Variants in TMEM132A observed in about 807,000 individuals in gnomAD.
TMEM132A encodes transmembrane protein 132A, also known as GRP78-binding protein.
TMEM132A carries 48 observed loss-of-function variants against 69.9 expected under a neutral mutation model. That is an observed-to-expected ratio of 0.69 (90% confidence interval 0.55 to 0.87). The LOEUF (loss-of-function observed/expected upper bound fraction) is 0.87, where lower values mean the gene tolerates loss of function less well. Among genes scored for constraint, TMEM132A ranks in the 40% least tolerant of loss-of-function variants. The pLI is 0.00. For synonymous variants in TMEM132A, 577 were observed against 613.7 expected (o/e 0.94, Z 0.88); for missense variants, 1,287 against 1,407.2 (o/e 0.91, Z 1.37).
rs199829020 is a variant in TMEM132A, at chr11:60,936,682, C to A, written c.2847C>A (p.Ser949Arg). 1.1e-3 allele frequency: 1,782 copies of A among 1,557,462 alleles called. 2 individuals carry two copies. Among genetic ancestry groups the A allele is most frequent in the Admixed American group, 1.5e-3 (79 of 51,792 alleles). Residue 949 changes from serine to arginine, a missense_variant, in exon 11 of 11, where the codon AGC becomes AGA. Transcript: ENST00000453848. ...CTGGGGGCACCACCAGCTCCTCAAG[C>A]ACCCTGGCCCGAAAGGAGGCTGGGG... Reference protein sequence around the residue: ...GPPGGTTSSSSTLARKEAGGR... With the variant: ...GPPGGTTSSSRTLARKEAGGR...
intron 5 of TMEM132A, among the ~76,000 whole-genome samples, chr11:60,931,097 G>A (rs1364317010): frequency 6.6e-6 from 1 of 152,172 alleles, no homozygotes; most frequent in Non-Finnish European, 1.5e-5. Context: ...GCCCCAGTTC[G>A]AATTCTGGTT....
Position 60,934,638 on chromosome 11 carries a change from C to T in TMEM132A, c.1710C>T (p.Gly570=), listed in dbSNP as rs754183286. The T allele has an allele frequency of 2.4e-5, 39 of 1,593,098 alleles. No homozygotes were observed. Among genetic ancestry groups the T allele is most frequent in the Non-Finnish European group, 3.1e-5 (37 of 1,177,328 alleles). ...DGGRRLTHLL[G]PDWLLDVSHL... Reference sequence around the variant, plus strand: ...GCCGCCGCCTCACGCACCTGCTTGGCCCCGACTGGCTGCTAGACGTGTCCC... The same window carrying T: ...GCCGCCGCCTCACGCACCTGCTTGGTCCCGACTGGCTGCTAGACGTGTCCC... Residue 570 remains glycine (G), a synonymous_variant, in exon 9 of 11, where the codon GGC becomes GGT. Coordinates refer to ENST00000453848, the MANE Select transcript of TMEM132A (RefSeq NM_178031.3).
At position 60,935,184 on chromosome 11, in the gene TMEM132A, C is replaced by G; in HGVS notation, c.1837-68C>G. On this transcript the variant is annotated intron_variant, in intron 9 of 10. Coordinates refer to ENST00000453848, the MANE Select transcript of TMEM132A (RefSeq NM_178031.3). The surrounding 1 kb of genome is among the most constrained non-coding windows in gnomAD (Gnocchi z 5.0). ...CAGCCCGTGAGGGTGCTGGGAGCACCCGGTTCCCTCTGGGTGGGGGCTGTC... is the reference window on the plus strand; with the variant it reads ...CAGCCCGTGAGGGTGCTGGGAGCACGCGGTTCCCTCTGGGTGGGGGCTGTC... 6.8e-7 allele frequency: 1 copy of G among 1,478,266 alleles called. No homozygotes were observed. Among genetic ancestry groups the G allele is most frequent in the Non-Finnish European group, 9.2e-7 (1 of 1,087,266 alleles). 91.6% of individuals were successfully genotyped at this position (1,478,266 alleles called of 1,614,324 possible).
rs1261853309 is a variant in TMEM132A, at chr11:60,937,135, A to G, written c.*228A>G. ...TTTATGGGAACCATTTCATTCTAAC[A>G]GAATAAACCGAGAAGGAAACCAGAG... On this transcript the variant is annotated 3_prime_UTR_variant, in exon 11 of 11. Transcript: ENST00000453848. 1 of 1,529,630 alleles carries G rather than the reference A, an allele frequency of 6.5e-7. No homozygotes were observed. The highest frequency in any genetic ancestry group is 8.8e-7 in the Non-Finnish European group (1 of 1,137,392). The allele number at this position is 1,529,630 out of a possible 1,614,324, so 94.8% of individuals were successfully genotyped here.
chr11:60,933,773 G>T, intron 8 of TMEM132A, 29 bp downstream of exon 8: 1 of 1,538,478 alleles, frequency 6.5e-7, no homozygotes. Context: ...AAGCTGGCAG[G>T]CCTTGGCGAG....
At chr11:60,932,951 C>T (rs1856512453) in intron 7 of TMEM132A, 1 of 152,298 alleles carries the variant, frequency 6.6e-6, no homozygotes, top group Admixed American at 6.5e-5. Flanking sequence ...TTTGGGTTCA[C>T]ACCCCTGCTC....
At chr11:60,933,375 A>C in intron 7 of TMEM132A, 167 bp from the exon 8 acceptor site, 1 of 593,384 alleles carries the variant, frequency 1.7e-6, no homozygotes, top group South Asian at 2.1e-5. Context: ...GTAGAGAGGG[A>C]GTTTTGCCAT....
chr11:60,929,047 C>A, intron 4 of TMEM132A, 87 bp downstream of exon 4: 1 of 1,397,668 alleles, frequency 7.2e-7, no homozygotes, highest in South Asian at 1.2e-5. Flanking sequence ...GGGGTCCTTG[C>A]TGGAATCCTT....
chr11:60,934,455 C>G (rs1326892830), intron 8 of TMEM132A, 33 bp from the exon 9 acceptor site: 1 of 1,354,668 alleles, frequency 7.4e-7, no homozygotes, highest in Non-Finnish European at 9.4e-7. Flanking sequence ...CCGCTCAGCG[C>G]TGACGGCCAG....
chr11:60,933,473 C>G, intron 7 of TMEM132A, 69 bp from the exon 8 acceptor site: 1 of 1,373,576 alleles, frequency 7.3e-7, no homozygotes, highest in Non-Finnish European at 9.9e-7. Context: ...CATGAGCCAC[C>G]CACCCGGCCC....
At position 60,931,985 on chromosome 11, in the gene TMEM132A, C is replaced by A; in HGVS notation, c.1214C>A (p.Ala405Asp). The A allele has an allele frequency of 6.2e-7, 1 of 1,608,618 alleles. No individual in the cohort carries two copies. The highest frequency in any genetic ancestry group is 1.1e-5 in the South Asian group (1 of 90,530). ...DIRALIPLAK[A>D]EELVNTAPLT... ...GCTGAGCCCCTCCTCCACCCCCAGG[C>A]TGAGGAGCTGGTGAATACAGCACCA... The change falls in exon 7 of 11, where the codon GCT becomes GAT. Residue 405 changes from alanine (A) to aspartate (D), a missense_variant and splice_region_variant. Transcript: ENST00000453848.
At chr11:60,930,804 A>G in intron 5 of TMEM132A, 145 bp downstream of exon 5, 1 of 772,912 alleles carries the variant, frequency 1.3e-6, no homozygotes, top group Non-Finnish European at 2.0e-6. Flanking sequence ...AGCAGCACAA[A>G]GCAGGCATAA....
At chr11:60,929,606 G>A (rs1285960844) in intron 4 of TMEM132A, among the ~76,000 whole-genome samples, 1 of 152,188 alleles carries the variant, frequency 6.6e-6, no homozygotes, top group African/African-American at 2.4e-5. Flanking sequence ...CTGAGTTCTA[G>A]GCAGGATAGT....
Position 60,930,660 on chromosome 11 carries a change from G to A in TMEM132A, c.1016+1G>A. 6.2e-7 allele frequency: 1 copy of A among 1,606,748 alleles called. No individual in the cohort carries two copies. The highest frequency in any genetic ancestry group is 8.5e-7 in the Non-Finnish European group (1 of 1,176,922). ...CTGGGCTCACAGAGCCAGATTCCAG[G>A]TGGGCAGTTTCCCTCCACCCAGGGG... On this transcript the variant is annotated splice_donor_variant, in intron 5 of 10. Transcript: ENST00000453848. LOFTEE classifies it high-confidence loss of function.
chr11:60,933,922 G>A, intron 8 of TMEM132A, 178 bp downstream of exon 8: 1 of 605,374 alleles, frequency 1.7e-6, no homozygotes, highest in Non-Finnish European at 2.9e-6. Flanking sequence ...CTGTGAAATT[G>A]CTGACTTCCG....
At position 60,936,159 on chromosome 11, in the gene TMEM132A, C is replaced by T. The variant is rs143111374; in HGVS notation, c.2324C>T (p.Ala775Val). ...CCCCCTGCCTCCACTCCAGCCCCTG[C>T]TCTCCCATCCAGCCCTGCTTGGAGC... is the stretch of plus-strand genomic sequence containing the variant. The part of the protein sequence containing the change: ...GLPPASTPAP[A>V]LPSSPAWSPP... Residue 775 changes from alanine to valine, a missense_variant, in exon 11 of 11, where the codon GCT (alanine) becomes GTT (valine). Transcript: ENST00000453848. 2 of 1,613,936 alleles carry T rather than the reference C, an allele frequency of 1.2e-6. No individual in the cohort carries two copies. Among genetic ancestry groups the T allele is most frequent in the Non-Finnish European group, 1.7e-6 (2 of 1,179,900 alleles).
At chr11:60,933,096 C>G (rs1324844762) in intron 7 of TMEM132A, 1 of 156,866 alleles carries the variant, frequency 6.4e-6, no homozygotes, top group Non-Finnish European at 1.4e-5. Flanking sequence ...AACATGCATT[C>G]CAGTGACACA....
In TMEM132A at chr11:60,934,468, C is replaced by A. The variant is rs1397765635; in HGVS notation, c.1560-20C>A. ...GGCCGCTCAGCGCTGACGGCCAGTCCCGGCCTCCCCGCCCTGCAGGCCTGC... is the reference window on the plus strand; with the variant it reads ...GGCCGCTCAGCGCTGACGGCCAGTCACGGCCTCCCCGCCCTGCAGGCCTGC... On this transcript the variant is annotated intron_variant, in intron 8 of 10. Coordinates refer to ENST00000453848, the MANE Select transcript of TMEM132A (RefSeq NM_178031.3). The A allele has an allele frequency of 2.2e-6, 3 of 1,365,816 alleles. No individual in the cohort carries two copies. Among genetic ancestry groups the A allele is most frequent in the Non-Finnish European group, 2.8e-6 (3 of 1,065,946 alleles). 84.6% of individuals were successfully genotyped at this position (1,365,816 alleles called of 1,614,324 possible).
intron 4 of TMEM132A, among the ~76,000 whole-genome samples, chr11:60,929,972 T>A (rs1856440788): frequency 6.6e-6 from 1 of 152,142 alleles, no homozygotes. Flanking sequence ...GTGTAAGCAC[T>A]GAGGGAGGTT....
Sources: allele counts gnomAD v4.1 joint callset (sites outside exome capture counted in the v4.1 genomes callset), GRCh38; gene constraint gnomAD v4.1.1; non-coding constraint Gnocchi (gnomAD v3.1); transcripts MANE v1.5; gene names NCBI Gene and HGNC (gene_info 2026-07-23, HGNC 2026-07-21).